Variants in TMEM120B observed in about 807,000 individuals in gnomAD.
The protein encoded by TMEM120B is transmembrane protein 120B.
TMEM120B carries 31 observed loss-of-function variants against 55.5 expected under a neutral mutation model. The ratio of observed to expected loss-of-function variants is 0.56; its 90% confidence interval spans 0.42 to 0.75. The LOEUF is 0.75. Ranked by LOEUF, TMEM120B falls within the 30% of genes least tolerant of loss-of-function variation. TMEM120B has a pLI of 0.00. For synonymous variants in TMEM120B, 203 were observed against 176.3 expected (o/e 1.15, Z -1.20); for missense variants, 399 against 425.5 (o/e 0.94, Z 0.55).
Position 121,775,837 on chromosome 12 carries a change from C to G in TMEM120B, c.*115C>G. 1 of 1,111,956 alleles carries G rather than the reference C, an allele frequency of 9.0e-7. No individual in the cohort carries two copies. The highest frequency in any genetic ancestry group is 1.3e-6 in the Non-Finnish European group (1 of 753,170). The allele number at this position is 1,111,956 out of a possible 1,614,324, so 68.9% of individuals were successfully genotyped here. A position where few individuals can be genotyped will look rare whatever the true frequency, so the allele number is the denominator to read the frequency against. ...GCTGGGAGAGGGCCCAGGCCCTGGT[C>G]CCCCAGTGGACCCCAGTGGTCTAGA... On this transcript the variant is annotated 3_prime_UTR_variant, in exon 12 of 12. Coordinates refer to ENST00000449592, the MANE Select transcript of TMEM120B (RefSeq NM_001080825.2). The surrounding 1 kb of genome is among the most constrained non-coding windows in gnomAD (Gnocchi z 4.3).
intron 6 of TMEM120B, among the ~76,000 whole-genome samples, chr12:121,769,335 A>G (rs1214667765): frequency 6.6e-6 from 1 of 151,936 alleles, no homozygotes; most frequent in Non-Finnish European, 1.5e-5. Flanking sequence ...GCTGCCTCGG[A>G]GATGGTGTGA....
At chr12:121,732,321 G>T (rs571962436) in intron 1 of TMEM120B, among the ~76,000 whole-genome samples, 1 of 152,256 alleles carries the variant, frequency 6.6e-6, no homozygotes, top group Admixed American at 6.5e-5. Context: ...ACTCCATGTT[G>T]TCCTCCTCGT....
intron 2 of TMEM120B, among the ~76,000 whole-genome samples, chr12:121,745,422 G>T (rs547547223): frequency 2.0e-5 from 3 of 151,824 alleles, no homozygotes; most frequent in Non-Finnish European, 2.9e-5. Flanking sequence ...ATGAAGTCTC[G>T]CTCTGTTGCC....
chr12:121,713,617 C>G (rs763552133), intron 1 of TMEM120B, among the ~76,000 whole-genome samples: 2 of 152,264 alleles, frequency 1.3e-5, no homozygotes, highest in South Asian at 4.1e-4. Flanking sequence ...GGCCCGGAGC[C>G]TTACACGGGG....
rs371228321 is a variant in TMEM120B at position 121,775,704 on chromosome 12, C to G, written c.1002C>G (p.Gly334=). The change falls in exon 12 of 12, where the codon GGC becomes GGG. Residue 334 remains glycine, a synonymous_variant. Transcript: ENST00000449592. This position sits in a 1 kb window ranked among gnomAD's most constrained non-coding sequence, Gnocchi z 4.3. The part of the protein sequence containing the change: ...VVHAKLQKNR[G]KTKQP Reference sequence around the variant, plus strand: ...ATGCCAAGCTCCAGAAGAACAGAGGCAAGACAAAGCAGCCGTGAGCCTCGG... The same window carrying G: ...ATGCCAAGCTCCAGAAGAACAGAGGGAAGACAAAGCAGCCGTGAGCCTCGG... 2.2e-5 allele frequency: 36 copies of G among 1,614,030 alleles called. No homozygotes were observed. In the African/African-American group the frequency reaches 4.1e-4, roughly 19 times the overall value.
At chr12:121,713,113 GC>G in intron 1 of TMEM120B, 149 bp downstream of exon 1, 1 of 567,828 alleles carries the variant, frequency 1.8e-6, no homozygotes. Flanking sequence ...GCATGGACCA[GC>G]CCCCTCCCAT....
intron 6 of TMEM120B, among the ~76,000 whole-genome samples, chr12:121,766,449 T>C (rs893542416): frequency 7.2e-5 from 11 of 152,268 alleles, no homozygotes; most frequent in African/African-American, 2.6e-4. Flanking sequence ...TCCAGCTCCC[T>C]GTTCTGTTTT....
At chr12:121,760,833 T>C (rs1873653310) in intron 5 of TMEM120B, among the ~76,000 whole-genome samples, 1 of 152,226 alleles carries the variant, frequency 6.6e-6, no homozygotes, top group Non-Finnish European at 1.5e-5. Flanking sequence ...CTACCTACTC[T>C]AACTCTCTAA....
intron 2 of TMEM120B, among the ~76,000 whole-genome samples, chr12:121,744,907 A>G (rs551816114): frequency 1.3e-5 from 2 of 152,330 alleles, no homozygotes; most frequent in East Asian, 3.9e-4. Flanking sequence ...ACACGTCACC[A>G]GATGTGGCTT....
At chr12:121,771,647 G>A in intron 8 of TMEM120B, 98 bp downstream of exon 8, 1 of 1,256,996 alleles carries the variant, frequency 8.0e-7, no homozygotes, top group Non-Finnish European at 1.2e-6. Context: ...GCTTGCCTGT[G>A]TGGCAGGGAG....
chr12:121,720,435 C>T (rs1894772393), intron 1 of TMEM120B, among the ~76,000 whole-genome samples: 1 of 152,124 alleles, frequency 6.6e-6, no homozygotes, highest in South Asian at 2.1e-4. Flanking sequence ...CTTGTCCAGG[C>T]ACAGTGGCTC....
At position 121,770,902 on chromosome 12, in the gene TMEM120B, CCGAGAATT is replaced by C; in HGVS notation, c.552-4_555del. The C allele has an allele frequency of 6.2e-7, 1 of 1,614,044 alleles. No homozygotes were observed. Among genetic ancestry groups the C allele is most frequent in the Non-Finnish European group, 8.5e-7 (1 of 1,179,966 alleles). On this transcript the variant is annotated splice_acceptor_variant and splice_polypyrimidine_tract_variant and coding_sequence_variant and intron_variant, in exon 7 of 12. Transcript: ENST00000449592. LOFTEE classifies it high-confidence loss of function. Reference sequence around the variant, plus strand: ...GAGCACTTTCCGTTCTCTCCCTCTCCCGAGAATTAAAGGCTGGTGGGTGTCTCACCACT... The same window carrying C: ...GAGCACTTTCCGTTCTCTCCCTCTCCAAAGGCTGGTGGGTGTCTCACCACT...
chr12:121,772,644 A>T (rs1433078583), intron 8 of TMEM120B, among the ~76,000 whole-genome samples: 3 of 151,662 alleles, frequency 2.0e-5, no homozygotes, highest in Admixed American at 1.3e-4. Context: ...GCTGGTCTTG[A>T]ACTCCTGGCC....
At chr12:121,746,192 T>TCCC (rs1566514839) in intron 2 of TMEM120B, among the ~76,000 whole-genome samples, 27 of 140,770 alleles carry the variant, frequency 1.9e-4, no homozygotes, top group African/African-American at 7.6e-4. Context: ...CCCCCCCACT[T>TCCC]TTTTTTTTTT....
intron 2 of TMEM120B, among the ~76,000 whole-genome samples, chr12:121,746,771 G>A (rs1289421717): frequency 2.0e-5 from 3 of 152,046 alleles, no homozygotes; most frequent in Non-Finnish European, 2.9e-5. Context: ...TGGCTAACAT[G>A]GTGAAACCCC....
intron 6 of TMEM120B, among the ~76,000 whole-genome samples, chr12:121,767,959 C>T (rs1274414956): frequency 6.6e-6 from 1 of 152,192 alleles, no homozygotes; most frequent in East Asian, 1.9e-4. Flanking sequence ...AGTGTGGCGC[C>T]TGCCAAGTGC....
Position 121,777,139 on chromosome 12 carries a change from G to A in TMEM120B, c.*1417G>A, listed in dbSNP as rs1431822216. The A allele has an allele frequency of 1.3e-5, 2 of 151,748 alleles. No homozygotes were observed. The highest frequency in any genetic ancestry group is 2.4e-5 in the African/African-American group (1 of 41,284). The allele number at this position is 151,748 out of a possible 1,614,324, so 9.4% of individuals were successfully genotyped here. A position where few individuals can be genotyped will look rare whatever the true frequency, so the allele number is the denominator to read the frequency against. ...CCTGGCTTTTGTTTTGTTTTGTTTT[G>A]TTTTGTATTTTTAGTAGAGACAGGG... On this transcript the variant is annotated 3_prime_UTR_variant, in exon 12 of 12. Transcript: ENST00000449592.
intron 5 of TMEM120B, among the ~76,000 whole-genome samples, chr12:121,754,379 T>TC (rs1873419810): frequency 6.6e-6 from 1 of 152,192 alleles, no homozygotes. Flanking sequence ...CGTCTCTTTT[T>TC]CTCCTACCTG....
intron 6 of TMEM120B, among the ~76,000 whole-genome samples, chr12:121,762,587 CT>C (rs1170197224): frequency 6.6e-6 from 1 of 152,194 alleles, no homozygotes; most frequent in Non-Finnish European, 1.5e-5. Context: ...CACACCCACC[CT>C]GATAGCCGTC....
Sources: allele counts gnomAD v4.1 joint callset (sites outside exome capture counted in the v4.1 genomes callset), GRCh38; gene constraint gnomAD v4.1.1; non-coding constraint Gnocchi (gnomAD v3.1); transcripts MANE v1.5; gene names NCBI Gene and HGNC (gene_info 2026-07-23, HGNC 2026-07-21).